The following RBFOX1 variants were observed in gnomAD, a reference collection of about 807,000 sequenced individuals.
RBFOX1 encodes RNA binding fox-1 homolog 1, also known as RNA binding protein fox-1 homolog 1.
Under a neutral mutation model 57.7 loss-of-function variants are expected in RBFOX1, and 8 were observed. The observed-to-expected ratio is 0.14, with a 90% CI of 0.08 to 0.25. The LOEUF (loss-of-function observed/expected upper bound fraction) is 0.25. Ranked by LOEUF, RBFOX1 falls within the 10% of genes least tolerant of loss-of-function variation. RBFOX1 has a pLI of 1.00. For missense variants in RBFOX1, 611 were observed against 548.5 expected, an observed-to-expected ratio of 1.11 and a Z score of -1.14; for synonymous variants, 326 against 222.4, an observed-to-expected ratio of 1.47 and a Z score of -4.15.
At position 6,891,105 on chromosome 16, in the gene RBFOX1, A is replaced by G. The variant is rs182508198; in HGVS notation, c.-15-160952A>G. Among the ~76,000 whole-genome samples, 389 of 152,252 alleles carry G rather than the reference A, an allele frequency of 2.6e-3. 1 individual carries two copies. The highest frequency in any genetic ancestry group is 4.1e-3 in the Non-Finnish European group (279 of 68,014). On this transcript the variant is annotated intron_variant, in intron 3 of 15. Coordinates refer to ENST00000550418, the MANE Select transcript of RBFOX1 (RefSeq NM_018723.4). Reference sequence around the variant, plus strand: ...GACACCAGGCGTTCTTCCAATATCCATCCATTCATTCATTAGTGACTTTCA... The same window carrying G: ...GACACCAGGCGTTCTTCCAATATCCGTCCATTCATTCATTAGTGACTTTCA...
chr16:6,908,890 G>C (rs1179094045), intron 3 of RBFOX1, among the ~76,000 whole-genome samples: 2 of 152,072 alleles, frequency 1.3e-5, no homozygotes, highest in South Asian at 4.2e-4. Flanking sequence ...AACAATGCTA[G>C]GCACATCCTA....
chr16:6,077,033 C>T lies in RBFOX1; in HGVS notation c.-127+57041C>T, dbSNP rs115163814. On this transcript the variant is annotated intron_variant, in intron 1 of 15. Transcript: ENST00000550418. ...AGCCTGCTTGAGAGTGCAGATGAAG[C>T]GCTCGGCAAATGTAGTTTTATTTAC... Among the ~76,000 whole-genome samples, 421 of 152,270 alleles carry T rather than the reference C, an allele frequency of 2.8e-3. 2 individuals carry two copies. The highest frequency in any genetic ancestry group is 9.5e-3 in the African/African-American group (395 of 41,544).
At chr16:7,666,349 T>A (rs2069258936) in intron 13 of RBFOX1, among the ~76,000 whole-genome samples, 2 of 150,474 alleles carry the variant, frequency 1.3e-5, no homozygotes, top group Non-Finnish European at 3.0e-5. Context: ...TTTTAAAAAA[T>A]CCACCAAAAT....
At chr16:5,758,707 T>C (rs573311940) in intron 3 of RBFOX1, among the ~76,000 whole-genome samples, 1 of 152,330 alleles carries the variant, frequency 6.6e-6, no homozygotes, top group African/African-American at 2.4e-5. Flanking sequence ...GTACAAGCTG[T>C]TGGATGTCAG....
chr16:6,146,864 A>G (rs924667387), intron 1 of RBFOX1, among the ~76,000 whole-genome samples: 7 of 152,198 alleles, frequency 4.6e-5, no homozygotes, highest in African/African-American at 1.4e-4. Flanking sequence ...CATGGGCAGT[A>G]AAACTGTTAG....
intron 4 of RBFOX1, among the ~76,000 whole-genome samples, chr16:5,998,789 C>G (rs1215310653): frequency 1.3e-5 from 2 of 152,216 alleles, no homozygotes; most frequent in Non-Finnish European, 2.9e-5. Flanking sequence ...CTGTCGGCAT[C>G]TTCTTGGCAC....
rs1012647517 is a variant in RBFOX1 at position 6,938,784 on chromosome 16, T to C, written c.-15-113273T>C. Among the ~76,000 whole-genome samples, 30 of 152,200 alleles carry C rather than the reference T, an allele frequency of 2.0e-4. 1 individual carries two copies. The highest frequency in any genetic ancestry group is 6.3e-4 in the African/African-American group (26 of 41,538). Reference sequence around the variant, plus strand: ...CTGTCTGTACTAAAAATCCAAAAATTAGCTGGGTGTGGTGGGTTGTGCCTG... The same window carrying C: ...CTGTCTGTACTAAAAATCCAAAAATCAGCTGGGTGTGGTGGGTTGTGCCTG... On this transcript the variant is annotated intron_variant, in intron 3 of 15. Transcript: ENST00000550418.
intron 3 of RBFOX1, among the ~76,000 whole-genome samples, chr16:5,814,891 T>A (rs148213977): frequency 0.02 from 3,026 of 151,842 alleles, 96 homozygotes; most frequent in African/African-American, 0.062. Context: ...ATTGCGCCAC[T>A]GCAGTCCGCA....
At position 6,481,478 on chromosome 16, in the gene RBFOX1, C is replaced by T. The variant is rs529618595; in HGVS notation, c.-64+164421C>T. Among the ~76,000 whole-genome samples, 6 of 152,342 alleles carry T rather than the reference C, an allele frequency of 3.9e-5. No individual in the cohort carries two copies. In the South Asian group the frequency reaches 8.3e-4, roughly 21 times the overall value. On this transcript the variant is annotated intron_variant, in intron 2 of 15. Coordinates refer to ENST00000550418, the MANE Select transcript of RBFOX1 (RefSeq NM_018723.4). ...GCTTGCTGTCTCTCCATCGGCCACC[C>T]GCACCATGCGTCCCTTCCTATAACC...
Position 6,104,132 on chromosome 16 carries a change from A to AACACACACACACACAC in RBFOX1, c.-127+84152_-127+84167dup, listed in dbSNP as rs112249231. Among the ~76,000 whole-genome samples the AACACACACACACACAC allele has an allele frequency of 2.9e-3, 432 of 148,462 alleles. 4 individuals carry two copies. The highest frequency in any genetic ancestry group is 9.4e-3 in the African/African-American group (379 of 40,244). On this transcript the variant is annotated intron_variant, in intron 1 of 15. Coordinates refer to ENST00000550418, the MANE Select transcript of RBFOX1 (RefSeq NM_018723.4). ...GACATCATAGGTTTCTCCCAGTTGA[A>AACACACACACACACAC]ACACACACACACACACACACACACA...
At chr16:6,454,368 G>A (rs1022458495) in intron 2 of RBFOX1, among the ~76,000 whole-genome samples, 11 of 152,008 alleles carry the variant, frequency 7.2e-5, no homozygotes, top group African/African-American at 2.7e-4. Context: ...ACCAGCCTGG[G>A]CAACATAGCA....
At chr16:7,130,206 G>T (rs544111545) in intron 4 of RBFOX1, among the ~76,000 whole-genome samples, 2 of 151,766 alleles carry the variant, frequency 1.3e-5, no homozygotes, top group East Asian at 3.9e-4. Flanking sequence ...GCTAATTTTT[G>T]TATTTTTGGT....
intron 3 of RBFOX1, among the ~76,000 whole-genome samples, chr16:6,719,858 C>G (rs1373577455): frequency 6.6e-6 from 1 of 151,950 alleles, no homozygotes; most frequent in Non-Finnish European, 1.5e-5. Context: ...TTTGGGAAGC[C>G]TGGGCGGGCG....
chr16:6,123,039 A>G (rs2096563387), intron 1 of RBFOX1, among the ~76,000 whole-genome samples: 1 of 152,222 alleles, frequency 6.6e-6, no homozygotes, highest in African/African-American at 2.4e-5. Context: ...GGCTATCAGA[A>G]GAAAATCTTT....
At chr16:6,286,854 C>T (rs1378191399) in intron 1 of RBFOX1, among the ~76,000 whole-genome samples, 1 of 152,146 alleles carries the variant, frequency 6.6e-6, no homozygotes, top group Non-Finnish European at 1.5e-5. Flanking sequence ...TTCTCTATCT[C>T]CCTGCACTAG....
At position 6,565,126 on chromosome 16, in the gene RBFOX1, CAAAAA is replaced by C. The variant is rs34624731; in HGVS notation, c.-63-89463_-63-89459del. 2.0e-5 allele frequency among the ~76,000 whole-genome samples: 2 copies of C among 98,242 alleles called. 1 individual carries two copies. The highest frequency in any genetic ancestry group is 6.9e-4 in the South Asian group (2 of 2,916). The allele number at this position is 98,242 out of a possible 152,430, so 64.5% of individuals were successfully genotyped here. ...AGCCTGGGTGGGGAGACTCTGTCTC[CAAAAA>C]AAAAAAAAAAAAAGCATTTGCAACA... On this transcript the variant is annotated intron_variant, in intron 2 of 15. Transcript: ENST00000550418.
intron 4 of RBFOX1, among the ~76,000 whole-genome samples, chr16:7,413,548 C>T (rs548178905): frequency 3.9e-5 from 6 of 152,172 alleles, no homozygotes; most frequent in Non-Finnish European, 7.4e-5. Context: ...CCTTGTAAGG[C>T]TGCCATCCAT....
intron 1 of RBFOX1, among the ~76,000 whole-genome samples, chr16:6,237,601 G>T (rs2097515208): frequency 6.6e-6 from 1 of 152,114 alleles, no homozygotes; most frequent in Non-Finnish European, 1.5e-5. Context: ...AATTAGTGGG[G>T]CGTGGTGGTG....
intron 1 of RBFOX1, among the ~76,000 whole-genome samples, chr16:5,341,411 G>A (rs11859990): frequency 0.033 from 4,955 of 152,242 alleles, 265 homozygotes; most frequent in African/African-American, 0.11. Flanking sequence ...GAGATCATGG[G>A]GGGTAGAATG....
Sources: allele counts gnomAD v4.1 joint callset (sites outside exome capture counted in the v4.1 genomes callset), GRCh38; gene constraint gnomAD v4.1.1; transcripts MANE v1.5; gene names NCBI Gene and HGNC (gene_info 2026-07-23, HGNC 2026-07-21).